The following AQP4 variants were observed in gnomAD, a reference collection of about 807,000 sequenced individuals.
AQP4 encodes the protein aquaporin 4.
AQP4 carries 18 observed loss-of-function variants against 27.8 expected under a neutral mutation model. The observed-to-expected ratio is 0.65, with a 90% CI of 0.45 to 0.96. The LOEUF (loss-of-function observed/expected upper bound fraction) is 0.96, where lower values mean the gene tolerates loss of function less well. AQP4 is among the 40% of genes least tolerant of loss of function. The pLI is 0.00. For synonymous variants in AQP4, 141 were observed against 142.9 expected, an observed-to-expected ratio of 0.99 and a Z score of 0.10; for missense variants, 412 against 408.2, an observed-to-expected ratio of 1.01 and a Z score of -0.08.
Position 26,858,948 on chromosome 18 carries a change from C to A in AQP4, c.693+1824G>T, listed in dbSNP as rs116522459. Among the ~76,000 whole-genome samples, 1,494 of 152,152 alleles carry A rather than the reference C, an allele frequency of 9.8e-3. 28 individuals carry two copies. Among genetic ancestry groups the A allele is most frequent in the African/African-American group, 0.034 (1,402 of 41,510 alleles). On this transcript the variant is annotated intron_variant, in intron 4 of 4. Coordinates refer to ENST00000383168, the MANE Select transcript of AQP4 (RefSeq NM_001650.7). ...TTAATGTTATTCCTAATCTTTCTAC[C>A]TACAAATATACTTTAAATTAGTTCT...
chr18:26,855,797 G>T lies in AQP4; in HGVS notation c.*414C>A. 1 of 254,004 alleles carries T rather than the reference G, an allele frequency of 3.9e-6. No individual in the cohort carries two copies. Among genetic ancestry groups the T allele is most frequent in the African/African-American group, 2.3e-5 (1 of 43,966 alleles). 15.7% of individuals were successfully genotyped at this position (254,004 alleles called of 1,614,324 possible). On this transcript the variant is annotated 3_prime_UTR_variant, in exon 5 of 5. Transcript: ENST00000383168. ...CTGTGACATACTGTATTTTGCCATTGTTAAACTCAGTTTAATAGAATAAAT... is the reference window on the plus strand; with the variant it reads ...CTGTGACATACTGTATTTTGCCATTTTTAAACTCAGTTTAATAGAATAAAT...
chr18:26,865,742 T>G (rs1386150124), upstream of AQP4: 1 of 1,609,014 alleles, frequency 6.2e-7, no homozygotes, highest in African/African-American at 1.3e-5. Context: ...GCTCCCTGTG[T>G]GCTGGGAGTC....
intron 1 of AQP4, among the ~76,000 whole-genome samples, chr18:26,863,461 C>T (rs2054996894): frequency 6.6e-6 from 1 of 152,176 alleles, no homozygotes. Context: ...CGCGAGCTCG[C>T]CCGCCTGCCC....
rs2054775825 is a variant in AQP4, at chr18:26,852,925, AT to A, written c.*3285del. On this transcript the variant is annotated 3_prime_UTR_variant, in exon 5 of 5. Coordinates refer to ENST00000383168, the MANE Select transcript of AQP4 (RefSeq NM_001650.7). ...TTCGTAACGTGAGGTTGGTGTCAAC[AT>A]GCTGCAATCAGAGGCCTTCTAGGAT... 5.0e-6 allele frequency: 2 copies of A among 398,512 alleles called. No homozygotes were observed. Among genetic ancestry groups the A allele is most frequent in the East Asian group, 7.1e-5 (2 of 28,060 alleles). The allele number at this position is 398,512 out of a possible 1,614,324, so 24.7% of individuals were successfully genotyped here.
intron 1 of AQP4, among the ~76,000 whole-genome samples, chr18:26,864,488 G>A (rs1252639863): frequency 6.6e-6 from 1 of 152,188 alleles, no homozygotes; most frequent in Non-Finnish European, 1.5e-5. Flanking sequence ...CAGGTGGGAT[G>A]ACAACGACAT....
rs145415377 is a variant in AQP4, at chr18:26,856,805, G to A, written c.694-316C>T. On this transcript the variant is annotated intron_variant, in intron 4 of 4. Transcript: ENST00000383168. ...TCTTTGGTGGTACTACAAATTAAGC[G>A]CACTAAGAATTCTTTAACTAAAATA... is the stretch of plus-strand genomic sequence containing the variant. Among the ~76,000 whole-genome samples the A allele has an allele frequency of 9.6e-3, 1,459 of 152,082 alleles. 13 individuals are homozygous for A. The highest frequency in any genetic ancestry group is 0.017 in the Middle Eastern group (5 of 294).
intron 1 of AQP4, 132 bp from the exon 2 acceptor site, chr18:26,862,728 G>T: frequency 8.6e-7 from 1 of 1,164,624 alleles, no homozygotes; most frequent in South Asian, 1.2e-5. Context: ...CACCAAGAAA[G>T]AATGCTTCTG....
In AQP4 at chr18:26,854,185, T is replaced by C. The variant is rs1420735510; in HGVS notation, c.*2026A>G. The C allele has an allele frequency of 6.6e-6, 1 of 152,208 alleles. No homozygotes were observed. Among genetic ancestry groups the C allele is most frequent in the Non-Finnish European group, 1.5e-5 (1 of 68,032 alleles). 9.4% of individuals were successfully genotyped at this position (152,208 alleles called of 1,614,324 possible). On this transcript the variant is annotated 3_prime_UTR_variant, in exon 5 of 5. Coordinates refer to ENST00000383168, the MANE Select transcript of AQP4 (RefSeq NM_001650.7). ...GTGAGTGTATATGAAATAAACCATA[T>C]GGCAGAATAAAAATGATTATAAGCC...
chr18:26,862,708 G>A (rs1438335017), intron 1 of AQP4, 112 bp from the exon 2 acceptor site: 18 of 1,407,830 alleles, frequency 1.3e-5, no homozygotes, highest in South Asian at 9.3e-5. Flanking sequence ...GCTGCCAGGC[G>A]TGATTTGCAC....
intron 4 of AQP4, among the ~76,000 whole-genome samples, chr18:26,859,649 G>A (rs1302523083): frequency 6.6e-6 from 1 of 152,188 alleles, no homozygotes; most frequent in Non-Finnish European, 1.5e-5. Flanking sequence ...GGCATTTTTG[G>A]CTAAGTCTTG....
Position 26,856,459 on chromosome 18 carries a change from C to T in AQP4, c.724G>A (p.Val242Ile). ...TACTCATAAAGGCCACCAGCGAGGA[C>T]AGCTCCTATGATGGGCCCAACCCAA... ...IYWVGPIIGA[V>I]LAGGLYEYVF... The change falls in exon 5 of 5, where the codon GTC becomes ATC. Residue 242 changes from valine to isoleucine, a missense_variant. By Grantham distance (29) the Val-to-Ile change is conservative. Transcript: ENST00000383168. The T allele has an allele frequency of 6.2e-7, 1 of 1,614,246 alleles. No individual in the cohort carries two copies. The highest frequency in any genetic ancestry group is 8.5e-7 in the Non-Finnish European group (1 of 1,180,046).
At chr18:26,861,077 A>G in intron 3 of AQP4, 54 bp downstream of exon 3, 10 of 1,594,518 alleles carry the variant, frequency 6.3e-6, no homozygotes, top group Non-Finnish European at 7.7e-6. Flanking sequence ...CAGGCCAGCT[A>G]GAGTGAGGAT....
In AQP4 at chr18:26,854,533, C is replaced by CATAA. The variant is rs1177488175; in HGVS notation, c.*1674_*1677dup. On this transcript the variant is annotated 3_prime_UTR_variant, in exon 5 of 5. Transcript: ENST00000383168. ...GCGGTATGCCAGTGGCACTCCCAGG[C>CATAA]ATAACACTGGTGTGACGACTCTCTG... 1 of 152,594 alleles carries CATAA rather than the reference C, an allele frequency of 6.6e-6. No homozygotes were observed. The highest frequency in any genetic ancestry group is 2.4e-5 in the African/African-American group (1 of 41,422). 9.5% of individuals were successfully genotyped at this position (152,594 alleles called of 1,614,324 possible).
In AQP4 at chr18:26,852,630, G is replaced by A. The variant is rs1287186182; in HGVS notation, c.*3581C>T. ...AGCTACTGCTCTTATGGGGCAATCTGTAGAGTACTAAACTCACAAAATTTG... is the reference window on the plus strand; with the variant it reads ...AGCTACTGCTCTTATGGGGCAATCTATAGAGTACTAAACTCACAAAATTTG... On this transcript the variant is annotated 3_prime_UTR_variant, in exon 5 of 5. Transcript: ENST00000383168. 2.5e-6 allele frequency: 1 copy of A among 392,176 alleles called. No homozygotes were observed. Among genetic ancestry groups the A allele is most frequent in the African/African-American group, 2.1e-5 (1 of 48,532 alleles). The allele number at this position is 392,176 out of a possible 1,614,324, so 24.3% of individuals were successfully genotyped here. A position where few individuals can be genotyped will look rare whatever the true frequency, so the allele number is the denominator to read the frequency against.
chr18:26,861,791 T>A (rs1382710686), intron 2 of AQP4, among the ~76,000 whole-genome samples: 1 of 152,224 alleles, frequency 6.6e-6, no homozygotes, highest in Non-Finnish European at 1.5e-5. Flanking sequence ...TTTTTAAGCA[T>A]AACCCTTTAT....
intron 1 of AQP4, chr18:26,865,425 G>A (rs1166679339): frequency 1.6e-6 from 1 of 618,074 alleles, no homozygotes; most frequent in Non-Finnish European, 2.9e-6. Context: ...ATTTTCCTGG[G>A]CTTTTGCAGA....
rs571949983 is a variant in AQP4 at position 26,862,122 on chromosome 18, T to C, written c.447+60A>G. ...TGTGCCTCATGCCACCAAGGCATTA[T>C]TTAGCAAAGAGTTTGCAAGAAGCTT... is the stretch of plus-strand genomic sequence containing the variant. On this transcript the variant is annotated intron_variant, in intron 2 of 4. Transcript: ENST00000383168. 1.1e-5 allele frequency: 17 copies of C among 1,586,544 alleles called. No individual in the cohort carries two copies. In the South Asian group the frequency reaches 1.9e-4, roughly 18 times the overall value.
chr18:26,863,784 C>T (rs1394524789), intron 1 of AQP4, among the ~76,000 whole-genome samples: 1 of 152,156 alleles, frequency 6.6e-6, no homozygotes. Context: ...TGATGGCTTT[C>T]TGTTACATGG....
chr18:26,860,277 T>C (rs1449780711), intron 4 of AQP4, among the ~76,000 whole-genome samples: 2 of 152,248 alleles, frequency 1.3e-5, no homozygotes, highest in Non-Finnish European at 2.9e-5. Context: ...TTACATACTA[T>C]TAATTGAGTT....
Sources: gnomAD v4.1 joint callset for allele counts (sites outside exome capture counted in the v4.1 genomes callset) on GRCh38, gnomAD v4.1.1 for gene constraint, MANE v1.5 for transcripts, NCBI Gene and HGNC (gene_info 2026-07-23, HGNC 2026-07-21) for gene names.